The following PTPRT variants were observed in gnomAD, a reference collection of about 807,000 sequenced individuals.
PTPRT encodes the protein receptor-type tyrosine-protein phosphatase T.
In PTPRT, 56 loss-of-function variants were observed where a neutral mutation model predicts 176.8. That is an observed-to-expected ratio of 0.32 (90% CI 0.26 to 0.40). The LOEUF (loss-of-function observed/expected upper bound fraction) is 0.40, where lower values mean the gene tolerates loss of function less well. PTPRT is among the 10% of genes least tolerant of loss of function. The pLI, the probability that PTPRT is intolerant of heterozygous loss-of-function variation, is 1.00. For synonymous variants in PTPRT, 783 were observed against 739.0 expected (o/e 1.06, Z -0.96); for missense variants, 1,540 against 1,908.2 (o/e 0.81, Z 3.60).
At chr20:42,405,506 T>C (rs916338856) in intron 9 of PTPRT, among the ~76,000 whole-genome samples, 2 of 152,212 alleles carry the variant, frequency 1.3e-5, no homozygotes, top group Admixed American at 6.5e-5. Context: ...TCCATGTCCC[T>C]ACAAAGGACA....
At chr20:42,952,855 C>T (rs1981340008) in intron 1 of PTPRT, among the ~76,000 whole-genome samples, 1 of 152,146 alleles carries the variant, frequency 6.6e-6, no homozygotes, top group Admixed American at 6.5e-5. Flanking sequence ...CTTTTTCCCA[C>T]CATTAAAATG....
chr20:43,036,528 GAAGA>G (rs34139486), intron 1 of PTPRT, among the ~76,000 whole-genome samples: 36,742 of 151,666 alleles, frequency 0.24, 5,024 homozygotes, highest in African/African-American at 0.36. Context: ...AGGCAGAAGA[GAAGA>G]AAGAAAGAGA....
rs371925544 is a variant in PTPRT at position 43,104,158 on chromosome 20, G to A, written c.88+85488C>T. On this transcript the variant is annotated intron_variant, in intron 1 of 30. Coordinates refer to ENST00000373187, the MANE Select transcript of PTPRT (RefSeq NM_007050.6). ...AATGACTCATGCTGGATCACAGAAT[G>A]AAGCTCTAAAAATGTCAACATTTGG... Among the ~76,000 whole-genome samples, 18 of 152,232 alleles carry A rather than the reference G, an allele frequency of 1.2e-4. No homozygotes were observed. In the East Asian group the frequency reaches 2.9e-3, roughly 24 times the overall value.
At chr20:42,966,373 A>T (rs57040115) in intron 1 of PTPRT, 53 of 152,150 alleles carry the variant, frequency 3.5e-4, no homozygotes, top group African/African-American at 1.3e-3. Context: ...TTCTATGTCT[A>T]TTTTTGTAGA....
chr20:42,330,868 A>C (rs1326844524), intron 11 of PTPRT, among the ~76,000 whole-genome samples: 6 of 152,212 alleles, frequency 3.9e-5, no homozygotes, highest in African/African-American at 1.4e-4. Flanking sequence ...TCACCTAAAA[A>C]GAAATGTGTT....
At chr20:42,165,669 A>G (rs1365632345) in intron 16 of PTPRT, among the ~76,000 whole-genome samples, 2 of 152,262 alleles carry the variant, frequency 1.3e-5, no homozygotes, top group African/African-American at 2.4e-5. Context: ...AATGTGGCTG[A>G]TGAGACAGAG....
In PTPRT at chr20:43,143,677, G is replaced by A. The variant is rs141209494; in HGVS notation, c.88+45969C>T. 3.5e-3 allele frequency among the ~76,000 whole-genome samples: 540 copies of A among 152,252 alleles called. 1 individual carries two copies. The highest frequency in any genetic ancestry group is 5.4e-3 in the Non-Finnish European group (364 of 68,014). On this transcript the variant is annotated intron_variant, in intron 1 of 30. Coordinates refer to ENST00000373187, the MANE Select transcript of PTPRT (RefSeq NM_007050.6). ...TAGAGATCTAAGGAAAGGGTACTGG[G>A]ATTCCAAAAAAGAGAATGGTGGATA...
At chr20:42,338,479 C>T (rs2058069936) in intron 11 of PTPRT, among the ~76,000 whole-genome samples, 1 of 152,102 alleles carries the variant, frequency 6.6e-6, no homozygotes, top group Non-Finnish European at 1.5e-5. Context: ...CAAAACATTC[C>T]CACCATTGGA....
At position 42,096,834 on chromosome 20, in the gene PTPRT, C is replaced by T. The variant is rs988761785; in HGVS notation, c.3846+1587G>A. Among the ~76,000 whole-genome samples the T allele has an allele frequency of 1.1e-4, 16 of 150,094 alleles. No individual in the cohort carries two copies. In the Middle Eastern group the frequency reaches 0.01, roughly 97 times the overall value. ...AGGCTGGGCTTGAACTCTTGGCCTCCCAAAGTGCTGGGATTACAGGCATGA... is the reference window on the plus strand; with the variant it reads ...AGGCTGGGCTTGAACTCTTGGCCTCTCAAAGTGCTGGGATTACAGGCATGA... On this transcript the variant is annotated intron_variant, in intron 27 of 30. Coordinates refer to ENST00000373187, the MANE Select transcript of PTPRT (RefSeq NM_007050.6).
intron 1 of PTPRT, among the ~76,000 whole-genome samples, chr20:43,015,501 T>C (rs539362463): frequency 6.6e-6 from 1 of 152,184 alleles, no homozygotes; most frequent in South Asian, 2.1e-4. Context: ...TGCAGGAAAG[T>C]TAAGAGAAAA....
At chr20:42,854,578 A>T (rs2078530135) in intron 2 of PTPRT, among the ~76,000 whole-genome samples, 1 of 152,222 alleles carries the variant, frequency 6.6e-6, no homozygotes, top group African/African-American at 2.4e-5. Context: ...AGAGTAACAG[A>T]CCAGTCAGAT....
chr20:42,667,424 A>T (rs2075335304), intron 7 of PTPRT, among the ~76,000 whole-genome samples: 1 of 152,228 alleles, frequency 6.6e-6, no homozygotes, highest in Non-Finnish European at 1.5e-5. Context: ...TCAAATTGGC[A>T]GCCACTGTTT....
intron 19 of PTPRT, 71 bp from the exon 20 acceptor site, chr20:42,120,042 C>T (rs1042286021): frequency 7.3e-7 from 1 of 1,368,576 alleles, no homozygotes; most frequent in Non-Finnish European, 1.0e-6. Context: ...TATTAATAAA[C>T]ATCCTCTCCA....
chr20:43,057,020 ATCTCAAGGGCCTT>A (rs1004155223), intron 1 of PTPRT, among the ~76,000 whole-genome samples: 13 of 151,988 alleles, frequency 8.6e-5, no homozygotes, highest in African/African-American at 3.1e-4. Context: ...AAAAAGGCCA[ATCTCAAGGGCCTT>A]TCTACTGTCT....
At chr20:43,059,931 A>G (rs1043611017) in intron 1 of PTPRT, among the ~76,000 whole-genome samples, 1 of 151,960 alleles carries the variant, frequency 6.6e-6, no homozygotes, top group Non-Finnish European at 1.5e-5. Flanking sequence ...GTGAGCTGAG[A>G]TTGTGCCATT....
chr20:42,272,721 GCACA>G (rs58728446), intron 13 of PTPRT, among the ~76,000 whole-genome samples: 2,016 of 148,844 alleles, frequency 0.014, 15 homozygotes, highest in South Asian at 0.02. Flanking sequence ...ACACGTGCGC[GCACA>G]CACACACACA....
chr20:42,707,215 T>C (rs2076073731), intron 6 of PTPRT, among the ~76,000 whole-genome samples: 1 of 152,194 alleles, frequency 6.6e-6, no homozygotes, highest in Non-Finnish European at 1.5e-5. Context: ...TGGTGCTTTG[T>C]TGTAGCAGCC....
In PTPRT at chr20:42,738,950, C is replaced by A. The variant is rs565401434; in HGVS notation, c.859+17512G>T. Among the ~76,000 whole-genome samples the A allele has an allele frequency of 2.0e-5, 3 of 152,162 alleles. No homozygotes were observed. The East Asian group carries it at 5.8e-4, about 29-fold the overall frequency. Reference sequence around the variant, plus strand: ...AGCTGGCTGTGGTGGCACCTGTAGTCCCAGCTACTCAAAGAGGCTGAGGTG... The same window carrying A: ...AGCTGGCTGTGGTGGCACCTGTAGTACCAGCTACTCAAAGAGGCTGAGGTG... On this transcript the variant is annotated intron_variant, in intron 6 of 30. Coordinates refer to ENST00000373187, the MANE Select transcript of PTPRT (RefSeq NM_007050.6).
chr20:43,181,365 A>G (rs1476444251), intron 1 of PTPRT, among the ~76,000 whole-genome samples: 1 of 151,584 alleles, frequency 6.6e-6, no homozygotes, highest in Non-Finnish European at 1.5e-5. Flanking sequence ...CTCCTTTAGA[A>G]CAGGAGTTGG....
Sources: gnomAD v4.1 joint callset for allele counts (sites outside exome capture counted in the v4.1 genomes callset) on GRCh38, gnomAD v4.1.1 for gene constraint, MANE v1.5 for transcripts, NCBI Gene and HGNC (gene_info 2026-07-23, HGNC 2026-07-21) for gene names.